Variants in DDX24 observed in about 807,000 individuals in gnomAD.
The protein encoded by DDX24 is ATP-dependent RNA helicase DDX24.
DDX24 carries 24 observed loss-of-function variants against 68.9 expected under a neutral mutation model. The ratio of observed to expected loss-of-function variants is 0.35; its 90% CI spans 0.25 to 0.49. The LOEUF (loss-of-function observed/expected upper bound fraction) is 0.49, where lower values mean the gene tolerates loss of function less well. DDX24 is among the 20% of genes least tolerant of loss of function. DDX24 has a pLI of 0.99. For synonymous variants in DDX24, 395 were observed against 385.2 expected (o/e 1.03, Z -0.30); for missense variants, 989 against 1,039.0 (o/e 0.95, Z 0.66).
At chr14:94,078,704 G>C (rs1326198366) in intron 2 of DDX24, among the ~76,000 whole-genome samples, 1 of 152,186 alleles carries the variant, frequency 6.6e-6, no homozygotes, top group Non-Finnish European at 1.5e-5. Flanking sequence ...ACTACGATTT[G>C]CAGACCACTT....
In DDX24 at chr14:94,062,630, TA is replaced by T; in HGVS notation, c.719-10del. 6.4e-7 allele frequency: 1 copy of T among 1,571,550 alleles called. No individual in the cohort carries two copies. The highest frequency in any genetic ancestry group is 8.6e-7 in the Non-Finnish European group (1 of 1,162,302). On this transcript the variant is annotated splice_polypyrimidine_tract_variant and intron_variant, in intron 2 of 8. Transcript: ENST00000621632. ...AAGAGTTTTCCCACTTCCTTAAAAG[TA>T]AAAAAACAAAACAAAGTAAAAACAG...
intron 2 of DDX24, among the ~76,000 whole-genome samples, chr14:94,077,479 A>G (rs1885966970): frequency 6.6e-6 from 1 of 152,312 alleles, no homozygotes; most frequent in South Asian, 2.1e-4. Context: ...AACACACAGA[A>G]CTAGCCTGGA....
At position 94,051,103 on chromosome 14, in the gene DDX24, G is replaced by T; in HGVS notation, c.*88C>A. 6.9e-7 allele frequency: 1 copy of T among 1,449,942 alleles called. No individual in the cohort carries two copies. The highest frequency in any genetic ancestry group is 9.2e-7 in the Non-Finnish European group (1 of 1,091,392). 89.8% of individuals were successfully genotyped at this position (1,449,942 alleles called of 1,614,324 possible). On this transcript the variant is annotated 3_prime_UTR_variant, in exon 9 of 9. Transcript: ENST00000621632. ...AGGGAGACTTTTTTACCTGGGGTTG[G>T]TGGTGGAGTGAAACACAAGGGTGGG...
chr14:94,052,180 T>C (rs977856932), intron 8 of DDX24, among the ~76,000 whole-genome samples: 7 of 152,258 alleles, frequency 4.6e-5, no homozygotes, highest in African/African-American at 1.7e-4. Flanking sequence ...GGTGTCAACA[T>C]CTCTGCTGAG....
At chr14:94,063,220 T>C (rs1212801493) in intron 2 of DDX24, among the ~76,000 whole-genome samples, 1 of 151,838 alleles carries the variant, frequency 6.6e-6, no homozygotes, top group Non-Finnish European at 1.5e-5. Flanking sequence ...TCTCCAAAAA[T>C]TTTCACAATT....
intron 2 of DDX24, among the ~76,000 whole-genome samples, chr14:94,068,396 C>T (rs958640090): frequency 6.6e-6 from 1 of 152,170 alleles, no homozygotes; most frequent in Non-Finnish European, 1.5e-5. Flanking sequence ...ATGAGACAGA[C>T]AGCAACACAA....
At position 94,049,680 on chromosome 14, in the gene DDX24, G is replaced by A. The variant is rs1256582426; in HGVS notation, c.*1511C>T. On this transcript the variant is annotated 3_prime_UTR_variant, in exon 9 of 9. Coordinates refer to ENST00000621632, the MANE Select transcript of DDX24 (RefSeq NM_020414.4). ...GGCTGAGGCAAGAGGATCACTTGAG[G>A]GCAGGAGTTTTGAGACCAGCCTACG... 2 of 152,024 alleles carry A rather than the reference G, an allele frequency of 1.3e-5. No homozygotes were observed. Among genetic ancestry groups the A allele is most frequent in the African/African-American group, 2.4e-5 (1 of 41,328 alleles). 9.4% of individuals were successfully genotyped at this position (152,024 alleles called of 1,614,324 possible). A position where few individuals can be genotyped will look rare whatever the true frequency, so the allele number is the denominator to read the frequency against.
rs1885569135 is a variant in DDX24, at chr14:94,060,369, G to C, written c.1642C>G (p.Pro548Ala). ...TTCCTTGTGAGGTCAATGACCTTGG[G>C]CTTGCCCCTCATGCCAATTTTCTGC... ...LMQKIGMRGK[P>A]KVIDLTRNEA... Residue 548 changes from proline (P) to alanine (A), a missense_variant, in exon 5 of 9, where the codon CCC (proline) becomes GCC (alanine). Coordinates refer to ENST00000621632, the MANE Select transcript of DDX24 (RefSeq NM_020414.4). The C allele has an allele frequency of 6.2e-7, 1 of 1,614,044 alleles. No individual in the cohort carries two copies.
Position 94,051,149 on chromosome 14 carries a change from G to C in DDX24, c.*42C>G. 1 of 1,484,842 alleles carries C rather than the reference G, an allele frequency of 6.7e-7. No homozygotes were observed. The highest frequency in any genetic ancestry group is 2.5e-4 in the Middle Eastern group (1 of 3,950). The allele number at this position is 1,484,842 out of a possible 1,614,324, so 92.0% of individuals were successfully genotyped here. On this transcript the variant is annotated 3_prime_UTR_variant, in exon 9 of 9. Transcript: ENST00000621632. ...GTGGGAGAGGTTTTGCAAATAGCCA[G>C]AGAACAGAAACCAATGTGCAGTCAC...
At position 94,060,325 on chromosome 14, in the gene DDX24, C is replaced by CCTCACCGTGTTAG. The variant is rs1567058626; in HGVS notation, c.1685_1686insCTAACACGGTGAG (p.Leu563Ter). On this transcript the variant is annotated stop_gained and frameshift_variant, in exon 5 of 9. Coordinates refer to ENST00000621632, the MANE Select transcript of DDX24 (RefSeq NM_020414.4). LOFTEE classifies it high-confidence loss of function. ...CACAATGGATCTTGGTCTCTGTTAG[C>CCTCACCGTGTTAG]GTCTCCACCGTGGCCTCATTCCTTG... is the stretch of plus-strand genomic sequence containing the variant. 6.2e-7 allele frequency: 1 copy of CCTCACCGTGTTAG among 1,614,174 alleles called. No homozygotes were observed. Among genetic ancestry groups the CCTCACCGTGTTAG allele is most frequent in the Non-Finnish European group, 8.5e-7 (1 of 1,180,038 alleles).
intron 6 of DDX24, chr14:94,056,390 CTTAA>C (rs1885493108): frequency 6.6e-6 from 1 of 152,148 alleles, no homozygotes; most frequent in Non-Finnish European, 1.5e-5. Flanking sequence ...AGGCCAATGG[CTTAA>C]TTAATCATCT....
At chr14:94,053,312 T>A in intron 7 of DDX24, 185 bp from the exon 8 acceptor site, 2 of 367,546 alleles carry the variant, frequency 5.4e-6, no homozygotes, top group Non-Finnish European at 4.5e-6. Flanking sequence ...TCCTCCCACC[T>A]CAGCCTCCCA....
Position 94,049,359 on chromosome 14 carries a change from T to C in DDX24, c.*1832A>G, listed in dbSNP as rs1204008129. 5 of 152,252 alleles carry C rather than the reference T, an allele frequency of 3.3e-5. No homozygotes were observed. The highest frequency in any genetic ancestry group is 1.9e-4 in the East Asian group (1 of 5,202). 9.4% of individuals were successfully genotyped at this position (152,252 alleles called of 1,614,324 possible). ...GGAGAGTCTCCCTGCCATTCTCTGA[T>C]AGCTGTCAGTCAGGAGCTGACCTCA... On this transcript the variant is annotated 3_prime_UTR_variant, in exon 9 of 9. Transcript: ENST00000621632.
chr14:94,075,211 A>T (rs923516979), intron 2 of DDX24, among the ~76,000 whole-genome samples: 1 of 152,208 alleles, frequency 6.6e-6, no homozygotes, highest in African/African-American at 2.4e-5. Flanking sequence ...TAACTTTTAA[A>T]AAGAACAAAG....
rs146879573 is a variant in DDX24, at chr14:94,050,959, C to T, written c.*232G>A. Reference sequence around the variant, plus strand: ...TTTTAATTTATGAAATCAAGTTTAACACACAAGAAGCCTATAAACACTGCA... The same window carrying T: ...TTTTAATTTATGAAATCAAGTTTAATACACAAGAAGCCTATAAACACTGCA... On this transcript the variant is annotated 3_prime_UTR_variant, in exon 9 of 9. Coordinates refer to ENST00000621632, the MANE Select transcript of DDX24 (RefSeq NM_020414.4). 470 of 382,946 alleles carry T rather than the reference C, an allele frequency of 1.2e-3. 2 individuals carry two copies. The highest frequency in any genetic ancestry group is 8.5e-3 in the African/African-American group (406 of 47,746). The allele number at this position is 382,946 out of a possible 1,614,324, so 23.7% of individuals were successfully genotyped here. A position where few individuals can be genotyped will look rare whatever the true frequency, so the allele number is the denominator to read the frequency against.
At chr14:94,074,894 T>A (rs1017634336) in intron 2 of DDX24, among the ~76,000 whole-genome samples, 35 of 152,170 alleles carry the variant, frequency 2.3e-4, no homozygotes, top group African/African-American at 8.2e-4. Flanking sequence ...AAATAAAAAA[T>A]TTTAAATTAC....
In DDX24 at chr14:94,050,395, T is replaced by C. The variant is rs1216638004; in HGVS notation, c.*796A>G. 1 of 152,260 alleles carries C rather than the reference T, an allele frequency of 6.6e-6. No individual in the cohort carries two copies. Among genetic ancestry groups the C allele is most frequent in the African/African-American group, 2.4e-5 (1 of 41,420 alleles). 9.4% of individuals were successfully genotyped at this position (152,260 alleles called of 1,614,324 possible). On this transcript the variant is annotated 3_prime_UTR_variant, in exon 9 of 9. Transcript: ENST00000621632. ...GAGGACCCATGGCAGTGCTCCAGGA[T>C]GGAGAAGGCCAAAAGGCAATCCAGA...
At chr14:94,054,294 C>T (rs1885450587) in intron 7 of DDX24, among the ~76,000 whole-genome samples, 1 of 152,188 alleles carries the variant, frequency 6.6e-6, no homozygotes, top group Non-Finnish European at 1.5e-5. Context: ...TTTCCCCACA[C>T]AGCTAATATT....
chr14:94,056,573 G>C (rs1885496364), intron 6 of DDX24: 1 of 151,594 alleles, frequency 6.6e-6, no homozygotes, highest in South Asian at 2.1e-4. Flanking sequence ...TATATTCTTT[G>C]TAATATCCTC....
Sources: gnomAD v4.1 joint callset for allele counts (sites outside exome capture counted in the v4.1 genomes callset) on GRCh38, gnomAD v4.1.1 for gene constraint, MANE v1.5 for transcripts, NCBI Gene and HGNC (gene_info 2026-07-23, HGNC 2026-07-21) for gene names.